Variants in KCND2 observed in about 807,000 individuals in gnomAD.
The protein encoded by KCND2 is A-type voltage-gated potassium channel KCND2.
A neutral mutation model predicts 54.4 loss-of-function variants in KCND2; 16 were observed. The ratio of observed to expected loss-of-function variants is 0.29; its 90% confidence interval spans 0.20 to 0.45. KCND2 has a LOEUF of 0.45. Ranked by LOEUF, KCND2 falls within the 20% of genes least tolerant of loss-of-function variation. The pLI is 1.00. For missense variants in KCND2, 486 were observed against 824.2 expected (o/e 0.59, Z 5.02); for synonymous variants, 317 against 310.7 (o/e 1.02, Z -0.21).
chr7:120,700,526 C>G (rs1283291595), intron 1 of KCND2, among the ~76,000 whole-genome samples: 1 of 152,056 alleles, frequency 6.6e-6, no homozygotes, highest in Non-Finnish European at 1.5e-5. Flanking sequence ...AGCCAATAGC[C>G]CATTTAGATA....
chr7:120,373,636 C>T (rs577574780), intron 1 of KCND2, among the ~76,000 whole-genome samples: 1 of 151,868 alleles, frequency 6.6e-6, no homozygotes, highest in Non-Finnish European at 1.5e-5. Context: ...ACACTTAAAT[C>T]CTTAGATATC....
chr7:120,342,588 A>G (rs908919445), intron 1 of KCND2, among the ~76,000 whole-genome samples: 24 of 152,216 alleles, frequency 1.6e-4, no homozygotes, highest in African/African-American at 5.5e-4. Context: ...ATAAGGTACA[A>G]CAGTCATAAG....
chr7:120,387,155 A>G (rs1563029420), intron 1 of KCND2, among the ~76,000 whole-genome samples: 1 of 152,128 alleles, frequency 6.6e-6, no homozygotes, highest in African/African-American at 2.4e-5. Context: ...CCCAGCAGCT[A>G]GAACAGTGTC....
chr7:120,703,762 T>A (rs1394540412), intron 1 of KCND2, among the ~76,000 whole-genome samples: 1 of 152,204 alleles, frequency 6.6e-6, no homozygotes, highest in Admixed American at 6.5e-5. Context: ...GTGTCAGCGA[T>A]GTCACATCAG....
At chr7:120,710,900 A>G (rs2116065028) in intron 1 of KCND2, among the ~76,000 whole-genome samples, 1 of 152,180 alleles carries the variant, frequency 6.6e-6, no homozygotes, top group South Asian at 2.1e-4. Flanking sequence ...CCAAACTAGA[A>G]CTATTATATC....
chr7:120,555,822 C>T (rs1792156873), intron 1 of KCND2, among the ~76,000 whole-genome samples: 2 of 152,194 alleles, frequency 1.3e-5, no homozygotes, highest in Admixed American at 6.5e-5. Flanking sequence ...TATACTACAG[C>T]ACAGAGTTGT....
rs531351667 is a variant in KCND2, at chr7:120,309,519, A to G, written c.1115+33772A>G. On this transcript the variant is annotated intron_variant, in intron 1 of 5. Transcript: ENST00000331113. The stretch of plus-strand genomic sequence containing the variant: ...CACACACACATATGTATGTATATAT[A>G]TTTAATTTAGTTGAAAACACACCCC... Among the ~76,000 whole-genome samples the G allele has an allele frequency of 7.6e-5, 11 of 145,246 alleles. No homozygotes were observed. In the East Asian group the frequency reaches 2.8e-3, roughly 37 times the overall value.
At chr7:120,324,639 G>C (rs925783104) in intron 1 of KCND2, among the ~76,000 whole-genome samples, 2 of 150,284 alleles carry the variant, frequency 1.3e-5, no homozygotes, top group East Asian at 3.9e-4. Context: ...TGAGGGCTCT[G>C]TTCTGTTCCA....
intron 1 of KCND2, among the ~76,000 whole-genome samples, chr7:120,410,702 C>T (rs1405716810): frequency 7.6e-6 from 1 of 131,862 alleles, no homozygotes; most frequent in East Asian, 2.7e-4. Flanking sequence ...CCCCCTCCCC[C>T]TACCCCACAA....
At chr7:120,410,797 T>A (rs1801438727) in intron 1 of KCND2, among the ~76,000 whole-genome samples, 1 of 150,420 alleles carries the variant, frequency 6.6e-6, no homozygotes, top group South Asian at 2.1e-4. Context: ...ACATGTAGTG[T>A]CTGGTTTTCT....
At chr7:120,582,145 A>AT (rs750687019) in intron 1 of KCND2, among the ~76,000 whole-genome samples, 10 of 152,006 alleles carry the variant, frequency 6.6e-5, no homozygotes, top group Non-Finnish European at 1.3e-4. Flanking sequence ...TTCTCATTAG[A>AT]TTTTTTCAGA....
At chr7:120,533,277 G>A (rs1486593972) in intron 1 of KCND2, among the ~76,000 whole-genome samples, 2 of 152,016 alleles carry the variant, frequency 1.3e-5, no homozygotes, top group Non-Finnish European at 2.9e-5. Context: ...TAGACATGGT[G>A]TACATTCTCA....
In KCND2 at chr7:120,620,240, C is replaced by CA. The variant is rs568568003; in HGVS notation, c.1116-112651dup. ...TGAAAAATTGACAGAATTCCAACTG[C>CA]AAAAAAAAAAAACTCTTACTTTTAA... On this transcript the variant is annotated intron_variant, in intron 1 of 5. Transcript: ENST00000331113. 5.6e-3 allele frequency among the ~76,000 whole-genome samples: 772 copies of CA among 138,388 alleles called. 2 individuals carry two copies. The highest frequency in any genetic ancestry group is 8.0e-3 in the Non-Finnish European group (509 of 63,282). 90.8% of individuals were successfully genotyped at this position (138,388 alleles called of 152,430 possible). A position where few individuals can be genotyped will look rare whatever the true frequency, so the allele number is the denominator to read the frequency against.
chr7:120,304,372 A>G (rs1345872957), intron 1 of KCND2, among the ~76,000 whole-genome samples: 19 of 152,182 alleles, frequency 1.2e-4, no homozygotes, highest in Non-Finnish European at 2.9e-5. Flanking sequence ...TTTTCTTAAC[A>G]ATGTAAAGAC....
chr7:120,324,175 G>A (rs899365492), intron 1 of KCND2, among the ~76,000 whole-genome samples: 4 of 150,118 alleles, frequency 2.7e-5, no homozygotes, highest in African/African-American at 9.8e-5. Context: ...ATTTGTTTGA[G>A]TTCATTGTAG....
rs985140655 is a variant in KCND2, at chr7:120,673,909, AT to A, written c.1116-58981del. Among the ~76,000 whole-genome samples, 995 of 115,454 alleles carry A rather than the reference AT, an allele frequency of 8.6e-3. 7 individuals are homozygous for A. The highest frequency in any genetic ancestry group is 0.015 in the African/African-American group (464 of 31,220). 75.7% of individuals were successfully genotyped at this position (115,454 alleles called of 152,430 possible). On this transcript the variant is annotated intron_variant, in intron 1 of 5. Transcript: ENST00000331113. Reference sequence around the variant, plus strand: ...CCCTCATTACCTGCCTCTTTTATTTATTTTTTTTTTTTTCTACAGGAGCCTC... The same window carrying A: ...CCCTCATTACCTGCCTCTTTTATTTATTTTTTTTTTTTCTACAGGAGCCTC...
chr7:120,737,087 A>AAAC (rs1227493180), intron 2 of KCND2, among the ~76,000 whole-genome samples: 6 of 149,556 alleles, frequency 4.0e-5, no homozygotes, highest in African/African-American at 1.5e-4. Flanking sequence ...AACAAAAAAA[A>AAAC]AAAAAACAAA....
chr7:120,424,448 A>G (rs765115248), intron 1 of KCND2, among the ~76,000 whole-genome samples: 29 of 152,242 alleles, frequency 1.9e-4, no homozygotes, highest in Non-Finnish European at 3.8e-4. Context: ...ACTAATTAAG[A>G]TGGTGATATC....
rs2116146388 is a variant in KCND2 at position 120,732,899 on chromosome 7, T to C, written c.1116-4T>C. On this transcript the variant is annotated splice_region_variant and splice_polypyrimidine_tract_variant and intron_variant, in intron 1 of 5. Coordinates refer to ENST00000331113, the MANE Select transcript of KCND2 (RefSeq NM_012281.3). ...AATATATATATATTTTTTCTTTAAC[T>C]CAGGTATGGTGACATGGTGCCAAAA... The C allele has an allele frequency of 1.9e-6, 3 of 1,611,728 alleles. No homozygotes were observed. Among genetic ancestry groups the C allele is most frequent in the Non-Finnish European group, 2.5e-6 (3 of 1,178,068 alleles).
Sources: allele counts gnomAD v4.1 joint callset (sites outside exome capture counted in the v4.1 genomes callset), GRCh38; gene constraint gnomAD v4.1.1; transcripts MANE v1.5; gene names NCBI Gene and HGNC (gene_info 2026-07-23, HGNC 2026-07-21).